Variants in CNTN1 observed in about 807,000 individuals in gnomAD.
CNTN1 encodes contactin-1.
A neutral mutation model predicts 126.4 loss-of-function variants in CNTN1; 38 were observed. The ratio of observed to expected loss-of-function variants is 0.30; its 90% CI spans 0.23 to 0.39. The LOEUF (loss-of-function observed/expected upper bound fraction) is 0.39, where lower values mean the gene tolerates loss of function less well. CNTN1 is among the 10% of genes least tolerant of loss of function. The pLI is 1.00. For missense variants in CNTN1, 1,009 were observed against 1,248.4 expected (o/e 0.81, Z 2.89); for synonymous variants, 413 against 422.6 (o/e 0.98, Z 0.28).
chr12:40,813,051 C>CTTTCTTTCTTTCTTTCTTTCTTTCTTTA (rs1300580270), intron 1 of CNTN1, among the ~76,000 whole-genome samples: 1 of 111,832 alleles, frequency 8.9e-6, no homozygotes, highest in African/African-American at 3.4e-5. Flanking sequence ...TTCTTTCTTT[C>CTTTCTTTCTTTCTTTCTTTCTTTCTTTA]TTTCTTTCTT....
At chr12:40,933,981 C>G in intron 9 of CNTN1, 103 bp downstream of exon 9, 1 of 856,892 alleles carries the variant, frequency 1.2e-6, no homozygotes, top group Non-Finnish European at 1.9e-6. Flanking sequence ...GTTTTAAAAA[C>G]AGTGATGCAT....
intron 1 of CNTN1, among the ~76,000 whole-genome samples, chr12:40,709,685 A>G (rs1941861472): frequency 6.6e-6 from 1 of 152,188 alleles, no homozygotes; most frequent in African/African-American, 2.4e-5. Context: ...TTACATCACC[A>G]CATCCTGCTT....
intron 7 of CNTN1, 104 bp downstream of exon 7, chr12:40,930,106 G>A (rs1945831768): frequency 1.0e-6 from 1 of 958,542 alleles, no homozygotes; most frequent in Non-Finnish European, 1.7e-6. Context: ...TGACTTTTCA[G>A]GAAGGACAAT....
At chr12:40,775,811 T>C (rs756745932) in intron 1 of CNTN1, among the ~76,000 whole-genome samples, 2 of 151,604 alleles carry the variant, frequency 1.3e-5, no homozygotes, top group African/African-American at 2.4e-5. Context: ...TGACTTGAAA[T>C]GCTAGAAACA....
At chr12:40,747,305 A>ATGTGTGTGTG (rs58826763) in intron 1 of CNTN1, among the ~76,000 whole-genome samples, 33,749 of 148,168 alleles carry the variant, frequency 0.23, 4,011 homozygotes, top group Admixed American at 0.32. Context: ...TTGTGAAGGG[A>ATGTGTGTGTG]TGTGTGTGTG....
At chr12:40,809,607 G>A (rs199967344) in intron 1 of CNTN1, among the ~76,000 whole-genome samples, 1 of 152,084 alleles carries the variant, frequency 6.6e-6, no homozygotes, top group African/African-American at 2.4e-5. Context: ...GGCGGATCAC[G>A]AGGTCAGGAG....
intron 1 of CNTN1, among the ~76,000 whole-genome samples, chr12:40,707,254 T>C (rs868365569): frequency 0.037 from 3,899 of 104,192 alleles, 218 homozygotes; most frequent in Middle Eastern, 0.066. Flanking sequence ...TTTTTTTTTT[T>C]TTTTTTTTTT....
chr12:40,814,037 G>A (rs1036936369), intron 1 of CNTN1, among the ~76,000 whole-genome samples: 5 of 151,846 alleles, frequency 3.3e-5, no homozygotes, highest in Admixed American at 6.6e-5. Flanking sequence ...ACTTTTTGAT[G>A]GTGCTGTTTG....
intron 1 of CNTN1, among the ~76,000 whole-genome samples, chr12:40,765,772 T>A (rs932970624): frequency 1.3e-5 from 2 of 152,194 alleles, no homozygotes; most frequent in African/African-American, 2.4e-5. Flanking sequence ...CATTGTTTAA[T>A]TCTGAAAGAA....
At chr12:40,961,911 T>C (rs1489555282) in intron 15 of CNTN1, among the ~76,000 whole-genome samples, 1 of 151,788 alleles carries the variant, frequency 6.6e-6, no homozygotes, top group Non-Finnish European at 1.5e-5. Flanking sequence ...TGTTATGTAG[T>C]AGACAGTAGA....
At chr12:40,999,258 GCTCA>G (rs1361081421) in intron 17 of CNTN1, among the ~76,000 whole-genome samples, 1 of 152,114 alleles carries the variant, frequency 6.6e-6, no homozygotes, top group Non-Finnish European at 1.5e-5. Context: ...AGTTAAAGCA[GCTCA>G]CTATTTTTAA....
chr12:41,041,489 G>A (rs1468565366), intron 23 of CNTN1, among the ~76,000 whole-genome samples: 1 of 152,128 alleles, frequency 6.6e-6, no homozygotes, highest in Non-Finnish European at 1.5e-5. Context: ...CAGAAGGAAT[G>A]GTATCAGTTT....
chr12:40,733,373 T>C (rs955577997), intron 1 of CNTN1, among the ~76,000 whole-genome samples: 2 of 151,954 alleles, frequency 1.3e-5, no homozygotes, highest in Admixed American at 1.3e-4. Context: ...AGTCAGATTT[T>C]TTTTCATAAA....
At chr12:40,808,221 T>A (rs1940931288) in intron 1 of CNTN1, among the ~76,000 whole-genome samples, 1 of 152,174 alleles carries the variant, frequency 6.6e-6, no homozygotes, top group African/African-American at 2.4e-5. Context: ...TTAAAAACAC[T>A]ATGTTTTGGG....
chr12:40,927,964 GT>G (rs1945752708), intron 6 of CNTN1, among the ~76,000 whole-genome samples: 1 of 152,044 alleles, frequency 6.6e-6, no homozygotes, highest in Non-Finnish European at 1.5e-5. Flanking sequence ...GAGAAACTGA[GT>G]AATAGAGTGA....
At chr12:40,881,410 C>T (rs1438932201) in intron 1 of CNTN1, among the ~76,000 whole-genome samples, 4 of 151,694 alleles carry the variant, frequency 2.6e-5, no homozygotes, top group African/African-American at 7.3e-5. Context: ...TTAGTTTATC[C>T]AATAGTAGAT....
At chr12:40,936,939 T>A in intron 10 of CNTN1, 34 bp downstream of exon 10, 1 of 1,611,094 alleles carries the variant, frequency 6.2e-7, no homozygotes, top group South Asian at 1.1e-5. Context: ...TGTTCCTGAG[T>A]CCCTGTTCAA....
chr12:40,820,703 G>T (rs1941416036), intron 1 of CNTN1, among the ~76,000 whole-genome samples: 1 of 152,120 alleles, frequency 6.6e-6, no homozygotes, highest in Admixed American at 6.5e-5. Flanking sequence ...TGACCTCAGT[G>T]GTGAAAGTTA....
At chr12:40,878,637 C>G (rs905724338) in intron 1 of CNTN1, among the ~76,000 whole-genome samples, 3 of 152,158 alleles carry the variant, frequency 2.0e-5, no homozygotes, top group African/African-American at 4.8e-5. Context: ...GAACTAGTAG[C>G]TGCAAAACTT....
Sources: gnomAD v4.1 joint callset for allele counts (sites outside exome capture counted in the v4.1 genomes callset) on GRCh38, gnomAD v4.1.1 for gene constraint, MANE v1.5 for transcripts, NCBI Gene and HGNC (gene_info 2026-07-23, HGNC 2026-07-21) for gene names.